ZDHHC14: variants seen among roughly 807,000 people sequenced by gnomAD.
ZDHHC14 encodes palmitoyltransferase ZDHHC14.
In ZDHHC14, 16 loss-of-function variants were observed where a neutral mutation model predicts 47.7. The observed-to-expected ratio is 0.34, with a 90% CI of 0.23 to 0.51. The LOEUF (loss-of-function observed/expected upper bound fraction) is 0.51. Among genes scored for constraint, ZDHHC14 ranks in the 20% least tolerant of loss-of-function variants. The pLI is 0.97. For synonymous variants in ZDHHC14, 293 were observed against 278.9 expected (o/e 1.05, Z -0.50); for missense variants, 515 against 662.5 (o/e 0.78, Z 2.44).
chr6:157,651,288 TC>T (rs1777824015), intron 7 of ZDHHC14, among the ~76,000 whole-genome samples: 1 of 152,232 alleles, frequency 6.6e-6, no homozygotes. Context: ...CCCTCCACGT[TC>T]CTTGGCTGGC....
rs557958732 is a variant in ZDHHC14, at chr6:157,621,567, C to T, written c.566-6782C>T. Among the ~76,000 whole-genome samples the T allele has an allele frequency of 4.6e-5, 7 of 152,260 alleles. No homozygotes were observed. The East Asian group carries it at 7.7e-4, about 17-fold the overall frequency. ...CCACCGTCTGCCAAGAGCCTGTGAC[C>T]GCTGCATGGAAAATGCAGAATCCTG... On this transcript the variant is annotated intron_variant, in intron 3 of 8. Coordinates refer to ENST00000359775, the MANE Select transcript of ZDHHC14 (RefSeq NM_024630.3).
chr6:157,447,452 C>T lies in ZDHHC14; in HGVS notation c.245+65186C>T, dbSNP rs918116238. The stretch of plus-strand genomic sequence containing the variant: ...TTCCTTGGGTTTAGTCTCCCCAGCG[C>T]TACCTGCGCTGCTTGGGGTAGGCAC... On this transcript the variant is annotated intron_variant, in intron 1 of 8. Coordinates refer to ENST00000359775, the MANE Select transcript of ZDHHC14 (RefSeq NM_024630.3). Among the ~76,000 whole-genome samples the T allele has an allele frequency of 3.9e-5, 6 of 152,218 alleles. No homozygotes were observed. In the South Asian group the frequency reaches 6.2e-4, roughly 16 times the overall value.
chr6:157,544,940 A>G (rs190112190), intron 2 of ZDHHC14, among the ~76,000 whole-genome samples: 21 of 152,314 alleles, frequency 1.4e-4, no homozygotes, highest in Non-Finnish European at 2.6e-4. Context: ...GCTGCATGAA[A>G]CCTAACAACC....
chr6:157,633,326 C>T (rs1262132990), intron 5 of ZDHHC14, among the ~76,000 whole-genome samples: 1 of 152,134 alleles, frequency 6.6e-6, no homozygotes, highest in African/African-American at 2.4e-5. Flanking sequence ...GTTTGCCATT[C>T]GGATTACTGT....
intron 1 of ZDHHC14, among the ~76,000 whole-genome samples, chr6:157,531,365 A>C (rs1349436629): frequency 6.6e-6 from 1 of 151,850 alleles, no homozygotes; most frequent in Non-Finnish European, 1.5e-5. Flanking sequence ...CACTCGGTGC[A>C]CCGTCCGAAG....
At chr6:157,532,383 CG>C (rs1398094201) in intron 1 of ZDHHC14, among the ~76,000 whole-genome samples, 1 of 152,180 alleles carries the variant, frequency 6.6e-6, no homozygotes, top group African/African-American at 2.4e-5. Flanking sequence ...TGAACATTGC[CG>C]GTGTTGAGGA....
chr6:157,457,007 A>G (rs1011637710), intron 1 of ZDHHC14, among the ~76,000 whole-genome samples: 1 of 150,970 alleles, frequency 6.6e-6, no homozygotes, highest in Admixed American at 6.6e-5. Context: ...TAATAAATAA[A>G]TAAATAAATA....
At chr6:157,665,539 G>A (rs112933735) in intron 8 of ZDHHC14, among the ~76,000 whole-genome samples, 108 of 152,178 alleles carry the variant, frequency 7.1e-4, no homozygotes, top group African/African-American at 2.2e-3. Context: ...ACCAGTATCC[G>A]GATAAGAAAG....
intron 1 of ZDHHC14, among the ~76,000 whole-genome samples, chr6:157,534,242 AGGAAGAGCTTTCTC>A (rs1480529588): frequency 1.3e-5 from 2 of 152,172 alleles, no homozygotes; most frequent in African/African-American, 4.8e-5. Flanking sequence ...CAGCAGCTCT[AGGAAGAGCTTTCTC>A]GGAAGGGCCC....
intron 6 of ZDHHC14, 120 bp from the exon 7 acceptor site, chr6:157,647,139 C>T: frequency 7.3e-6 from 5 of 684,154 alleles, no homozygotes; most frequent in East Asian, 5.4e-5. Context: ...AGAAAAATAC[C>T]TCCATTTCTT....
intron 7 of ZDHHC14, among the ~76,000 whole-genome samples, chr6:157,653,061 A>G (rs957891061): frequency 4.6e-5 from 7 of 152,232 alleles, no homozygotes; most frequent in African/African-American, 1.7e-4. Context: ...AGCAGAGTGC[A>G]TGCTGGCGGG....
chr6:157,655,832 C>T lies in ZDHHC14; in HGVS notation c.1068+2205C>T, dbSNP rs192532157. On this transcript the variant is annotated intron_variant, in intron 8 of 8. Transcript: ENST00000359775. ...ACCAGTGGACTTATGTTCTTCTTAC[C>T]CTGTGACCCCCATAATACTGGGCTC... 1.0e-3 allele frequency among the ~76,000 whole-genome samples: 155 copies of T among 152,258 alleles called. 1 individual carries two copies. Among genetic ancestry groups the T allele is most frequent in the Non-Finnish European group, 6.6e-4 (45 of 68,024 alleles).
In ZDHHC14 at chr6:157,609,929, C is replaced by A. The variant is rs549955467; in HGVS notation, c.565+16783C>A. On this transcript the variant is annotated intron_variant, in intron 3 of 8. Coordinates refer to ENST00000359775, the MANE Select transcript of ZDHHC14 (RefSeq NM_024630.3). ...GCCTGCCTTAAAGTAGCAACAACTCCTTGGGGACAAAGAACTGGGGAGTAA... is the reference window on the plus strand; with the variant it reads ...GCCTGCCTTAAAGTAGCAACAACTCATTGGGGACAAAGAACTGGGGAGTAA... 2.6e-5 allele frequency among the ~76,000 whole-genome samples: 4 copies of A among 152,334 alleles called. No homozygotes were observed. The South Asian group carries it at 8.3e-4, about 32-fold the overall frequency.
chr6:157,647,415 G>T (rs201305824), intron 7 of ZDHHC14, 47 bp downstream of exon 7: 1 of 1,500,770 alleles, frequency 6.7e-7, no homozygotes, highest in Admixed American at 1.8e-5. Context: ...TTGGAAAACC[G>T]AATGCCTCGG....
intron 1 of ZDHHC14, among the ~76,000 whole-genome samples, chr6:157,501,016 G>A (rs1324578442): frequency 3.9e-5 from 6 of 152,218 alleles, no homozygotes; most frequent in Non-Finnish European, 7.3e-5. Flanking sequence ...GGAAAGATTG[G>A]ATTTGTTTAC....
In ZDHHC14 at chr6:157,575,408, A is replaced by G. The variant is rs538125148; in HGVS notation, c.407-17580A>G. Among the ~76,000 whole-genome samples, 5 of 152,348 alleles carry G rather than the reference A, an allele frequency of 3.3e-5. No individual in the cohort carries two copies. The South Asian group carries it at 8.3e-4, about 25-fold the overall frequency. ...CCTTTTGCACTCAGAATGAAGGCCA[A>G]CATCCCAGATGTGGCTACAGGGTTC... On this transcript the variant is annotated intron_variant, in intron 2 of 8. Coordinates refer to ENST00000359775, the MANE Select transcript of ZDHHC14 (RefSeq NM_024630.3).
intron 3 of ZDHHC14, among the ~76,000 whole-genome samples, chr6:157,606,546 A>G (rs1005879045): frequency 5.9e-5 from 9 of 152,244 alleles, no homozygotes; most frequent in Non-Finnish European, 1.0e-4. Context: ...TGCCAGAAGT[A>G]TGATGGAATG....
chr6:157,656,625 C>T (rs1005280873), intron 8 of ZDHHC14, among the ~76,000 whole-genome samples: 2 of 151,306 alleles, frequency 1.3e-5, no homozygotes, highest in African/African-American at 2.4e-5. Context: ...CATGAGTCAC[C>T]GCGCCCAGCC....
At chr6:157,547,396 G>C (rs191584574) in intron 2 of ZDHHC14, among the ~76,000 whole-genome samples, 40 of 152,034 alleles carry the variant, frequency 2.6e-4, no homozygotes, top group Middle Eastern at 6.8e-3. Flanking sequence ...GCAACTTCCT[G>C]ACCCTAGGAA....
Sources: gnomAD v4.1 joint callset for allele counts (sites outside exome capture counted in the v4.1 genomes callset) on GRCh38, gnomAD v4.1.1 for gene constraint, MANE v1.5 for transcripts, NCBI Gene and HGNC (gene_info 2026-07-23, HGNC 2026-07-21) for gene names.